SH3D19: variants seen among roughly 807,000 people sequenced by gnomAD.
SH3D19 encodes SH3 domain containing 19, also known as SH3 domain-containing protein 19.
SH3D19 carries 58 observed loss-of-function variants against 112.1 expected under a neutral mutation model. That is an observed-to-expected ratio of 0.52 (90% CI 0.42 to 0.64). The LOEUF is 0.64. Ranked by LOEUF, SH3D19 falls within the 30% of genes least tolerant of loss-of-function variation. SH3D19 has a pLI of 0.00. For missense variants in SH3D19, 1,090 were observed against 1,263.4 expected, an observed-to-expected ratio of 0.86 and a Z score of 2.08; for synonymous variants, 391 against 448.5, an observed-to-expected ratio of 0.87 and a Z score of 1.62.
At chr4:151,293,389 C>G (rs945586233) in intron 1 of SH3D19, among the ~76,000 whole-genome samples, 2 of 151,130 alleles carry the variant, frequency 1.3e-5, no homozygotes, top group South Asian at 4.2e-4. Flanking sequence ...AGGAGAATGG[C>G]GTGAACCTGG....
chr4:151,159,622 G>T (rs1451513047), intron 8 of SH3D19, among the ~76,000 whole-genome samples: 1 of 152,100 alleles, frequency 6.6e-6, no homozygotes, highest in Non-Finnish European at 1.5e-5. Context: ...TATGTGCCAG[G>T]AATTAAGTTA....
chr4:151,275,110 G>A (rs530601731), intron 1 of SH3D19, among the ~76,000 whole-genome samples: 1 of 149,262 alleles, frequency 6.7e-6, no homozygotes, highest in African/African-American at 2.5e-5. Flanking sequence ...TTTTTGAGAC[G>A]GAATCTTGCT....
intron 1 of SH3D19, chr4:151,279,095 G>T: frequency 2.4e-6 from 1 of 424,194 alleles, no homozygotes; most frequent in East Asian, 7.4e-5. Context: ...CACAGATAAA[G>T]CTGTGGCCCA....
chr4:151,155,836 C>A (rs534961609), intron 9 of SH3D19, among the ~76,000 whole-genome samples: 3 of 152,246 alleles, frequency 2.0e-5, no homozygotes, highest in African/African-American at 7.2e-5. Flanking sequence ...TTGCAGTGAG[C>A]CGAAATCGTG....
In SH3D19 at chr4:151,175,201, CAGA is replaced by C; in HGVS notation, c.1000_1002del (p.Ser334del). On this transcript the variant is annotated inframe_deletion, in exon 7 of 20. Coordinates refer to ENST00000604030, the MANE Select transcript of SH3D19 (RefSeq NM_001378122.1). ...CTGTTAGCAGCTGGTTTGGGAGCTA[CAGA>C]AGGTTTCCCTGAGGAAACAGTAGGC... 10 of 1,614,128 alleles carry C rather than the reference CAGA, an allele frequency of 6.2e-6. No individual in the cohort carries two copies. The highest frequency in any genetic ancestry group is 8.5e-6 in the Non-Finnish European group (10 of 1,180,008).
At position 151,128,283 on chromosome 4, in the gene SH3D19, A is replaced by AATG; in HGVS notation, c.2813_2815dup (p.Ser938dup). The AATG allele has an allele frequency of 6.2e-7, 1 of 1,614,150 alleles. No homozygotes were observed. The highest frequency in any genetic ancestry group is 8.5e-7 in the Non-Finnish European group (1 of 1,180,006). On this transcript the variant is annotated inframe_insertion, in exon 18 of 20. Transcript: ENST00000604030. Reference sequence around the variant, plus strand: ...AATCTGGATCCGGTCTCCCCTCTTGAATGATAAGTCATCACTGGTCTCTGC... The same window carrying AATG: ...AATCTGGATCCGGTCTCCCCTCTTGAATGATGATAAGTCATCACTGGTCTCTGC...
intron 1 of SH3D19, among the ~76,000 whole-genome samples, chr4:151,278,684 G>C (rs6811059): frequency 6.6e-6 from 1 of 151,864 alleles, no homozygotes; most frequent in Non-Finnish European, 1.5e-5. Context: ...AGGCTGGAGT[G>C]CAGTGGCATG....
intron 10 of SH3D19, among the ~76,000 whole-genome samples, chr4:151,148,878 A>C (rs6846981): frequency 0.71 from 108,081 of 151,656 alleles, 43,591 homozygotes; most frequent in Non-Finnish European, 0.91. Context: ...TCTCTATTAA[A>C]AATACAAAAA....
chr4:151,177,071 C>T, intron 4 of SH3D19, 116 bp from the exon 5 acceptor site: 1 of 886,382 alleles, frequency 1.1e-6, no homozygotes, highest in Non-Finnish European at 1.5e-6. Flanking sequence ...TAAGAACTAA[C>T]ACAGTCACAG....
chr4:151,286,762 T>C (rs1253162869), intron 1 of SH3D19, among the ~76,000 whole-genome samples: 1 of 151,640 alleles, frequency 6.6e-6, no homozygotes, highest in Non-Finnish European at 1.5e-5. Flanking sequence ...GACAGGTCAA[T>C]TGAGGCCAGG....
intron 1 of SH3D19, among the ~76,000 whole-genome samples, chr4:151,322,083 GAAT>G (rs1416629400): frequency 6.6e-6 from 1 of 152,102 alleles, no homozygotes; most frequent in Non-Finnish European, 1.5e-5. Context: ...CCAAACAATG[GAAT>G]ACTCTCTGCT....
chr4:151,126,642 CA>C (rs1158244419), intron 19 of SH3D19, among the ~76,000 whole-genome samples: 1 of 150,756 alleles, frequency 6.6e-6, no homozygotes, highest in African/African-American at 2.4e-5. Flanking sequence ...AAAAAAAATA[CA>C]AAAAAATTAG....
Position 151,173,719 on chromosome 4 carries a change from AT to A in SH3D19, c.1534+950del, listed in dbSNP as rs200009760. On this transcript the variant is annotated intron_variant, in intron 7 of 19. Transcript: ENST00000604030. ...TTTAATAATGTGTATGTTTGTTTTC[AT>A]TTTAAACACACCTGTGCTATGCAGA... Among the ~76,000 whole-genome samples the A allele has an allele frequency of 5.8e-3, 888 of 152,320 alleles. 42 individuals are homozygous for A. Among genetic ancestry groups the A allele is most frequent in the Admixed American group, 0.048 (733 of 15,308 alleles).
At chr4:151,255,135 C>CA (rs1224159195) in intron 1 of SH3D19, among the ~76,000 whole-genome samples, 2 of 150,860 alleles carry the variant, frequency 1.3e-5, no homozygotes, top group African/African-American at 4.9e-5. Flanking sequence ...TGACCCCCCC[C>CA]ACCTCCCTCC....
chr4:151,125,270 A>C (rs1231495783), intron 19 of SH3D19, among the ~76,000 whole-genome samples: 1 of 152,026 alleles, frequency 6.6e-6, no homozygotes, highest in African/African-American at 2.4e-5. Flanking sequence ...TGAGTTTGAG[A>C]CCAGCCTGGG....
At chr4:151,262,067 C>T (rs1772420975) in intron 1 of SH3D19, among the ~76,000 whole-genome samples, 1 of 152,090 alleles carries the variant, frequency 6.6e-6, no homozygotes. Context: ...TTTGGGTTTT[C>T]CTAAATTACA....
intron 1 of SH3D19, among the ~76,000 whole-genome samples, chr4:151,233,677 A>G (rs909670290): frequency 2.0e-5 from 3 of 152,188 alleles, no homozygotes; most frequent in African/African-American, 4.8e-5. Context: ...GAAATGTGAC[A>G]TATTTGCAGG....
At chr4:151,138,881 G>A (rs1266699435) in intron 13 of SH3D19, among the ~76,000 whole-genome samples, 1 of 152,166 alleles carries the variant, frequency 6.6e-6, no homozygotes, top group Admixed American at 6.5e-5. Flanking sequence ...TGCCCAGGGT[G>A]CAACGGCACA....
At chr4:151,197,167 C>T (rs1321503329) in intron 2 of SH3D19, among the ~76,000 whole-genome samples, 2 of 152,086 alleles carry the variant, frequency 1.3e-5, no homozygotes, top group South Asian at 4.1e-4. Context: ...GTATCACACA[C>T]TGCACTCCAG....
Sources: gnomAD v4.1 joint callset for allele counts (sites outside exome capture counted in the v4.1 genomes callset) on GRCh38, gnomAD v4.1.1 for gene constraint, MANE v1.5 for transcripts, NCBI Gene and HGNC (gene_info 2026-07-23, HGNC 2026-07-21) for gene names.